Variants in GPHN observed in about 807,000 individuals in gnomAD.
The protein encoded by GPHN is gephyrin.
Under a neutral mutation model 95.5 loss-of-function variants are expected in GPHN, and 17 were observed. The observed-to-expected ratio is 0.18, with a 90% CI of 0.12 to 0.27. The LOEUF is 0.27. Ranked by LOEUF, GPHN falls within the 10% of genes least tolerant of loss-of-function variation. GPHN has a pLI of 1.00. For synonymous variants in GPHN, 320 were observed against 322.5 expected (o/e 0.99, Z 0.08); for missense variants, 660 against 978.1 (o/e 0.67, Z 4.34).
At chr14:67,709,852 T>C in the GPHN span, among the ~76,000 whole-genome samples, 8 of 152,122 alleles carry the variant, frequency 5.3e-5, no homozygotes, top group Non-Finnish European at 1.2e-4. Context: ...AGGAAATATC[T>C]TGGGCCCCCA....
At chr14:66,573,199 C>T (rs1004986945) in intron 1 of GPHN, among the ~76,000 whole-genome samples, 1 of 152,168 alleles carries the variant, frequency 6.6e-6, no homozygotes, top group South Asian at 2.1e-4. Flanking sequence ...CTGTGTATAT[C>T]TGTGAGGTCC....
chr14:67,381,778 TCACA>T, the GPHN span: 4 of 923,698 alleles, frequency 4.3e-6, no homozygotes, highest in African/African-American at 1.7e-5. Context: ...TTTTTTTTAA[TCACA>T]TTTCATAACA....
chr14:67,563,905 T>G, the GPHN span, among the ~76,000 whole-genome samples: 19 of 2,760 alleles, frequency 6.9e-3, no homozygotes, highest in East Asian at 0.036. Flanking sequence ...GGCTAACTGT[T>G]TTTTTTTTTT....
chr14:66,934,316 A>G (rs1167821751), intron 8 of GPHN, among the ~76,000 whole-genome samples: 1 of 152,186 alleles, frequency 6.6e-6, no homozygotes, highest in Non-Finnish European at 1.5e-5. Flanking sequence ...AAAATTAATC[A>G]GCTTGCTATT....
chr14:66,964,190 T>C (rs759602590), intron 8 of GPHN, among the ~76,000 whole-genome samples: 5 of 152,100 alleles, frequency 3.3e-5, no homozygotes, highest in Non-Finnish European at 7.4e-5. Context: ...TAATGATAAT[T>C]ACATTAGTCT....
chr14:67,189,014 C>G, the GPHN span, among the ~76,000 whole-genome samples: 3 of 152,000 alleles, frequency 2.0e-5, no homozygotes, highest in Non-Finnish European at 2.9e-5. Flanking sequence ...TAAGCAGTTT[C>G]CCTCTAAAAA....
Position 66,567,096 on chromosome 14 carries a change from A to G in GPHN, c.64+58505A>G, listed in dbSNP as rs185437339. The stretch of plus-strand genomic sequence containing the variant: ...ATCTTGCAGCAGAATTCTGTCATTT[A>G]ACATATTTTTGGGGCATGGATGGCA... On this transcript the variant is annotated intron_variant, in intron 1 of 22. Coordinates refer to ENST00000478722, the MANE Select transcript of GPHN (RefSeq NM_020806.5). 1.8e-4 allele frequency among the ~76,000 whole-genome samples: 27 copies of G among 152,298 alleles called. No individual in the cohort carries two copies. In the East Asian group the frequency reaches 2.9e-3, roughly 16 times the overall value.
chr14:67,407,007 T>C, the GPHN span, among the ~76,000 whole-genome samples: 2 of 152,088 alleles, frequency 1.3e-5, no homozygotes, highest in African/African-American at 2.4e-5. Flanking sequence ...TGGATCCCTT[T>C]TGGAGAGAAG....
At chr14:67,174,258 G>A (rs1232230987) in intron 21 of GPHN, among the ~76,000 whole-genome samples, 3 of 131,292 alleles carry the variant, frequency 2.3e-5, no homozygotes, top group African/African-American at 9.0e-5. Flanking sequence ...AGGCCCCAGT[G>A]TGTGATGTTC....
chr14:66,799,836 T>C (rs1306626854), intron 3 of GPHN, among the ~76,000 whole-genome samples: 1 of 151,990 alleles, frequency 6.6e-6, no homozygotes, highest in Non-Finnish European at 1.5e-5. Flanking sequence ...GTAAGGATTT[T>C]CTCCTGCCAT....
intron 1 of GPHN, among the ~76,000 whole-genome samples, chr14:66,531,611 G>A (rs1318381218): frequency 6.6e-6 from 1 of 152,106 alleles, no homozygotes; most frequent in Non-Finnish European, 1.5e-5. Flanking sequence ...ATCTAATTTT[G>A]TTATTTTATT....
intron 2 of GPHN, among the ~76,000 whole-genome samples, chr14:66,724,880 G>A (rs149968971): frequency 5.6e-4 from 85 of 152,196 alleles, no homozygotes; most frequent in African/African-American, 1.9e-3. Flanking sequence ...AGAAAAAGCT[G>A]GGCCCAGAAC....
chr14:66,597,273 G>A (rs2062023202), intron 1 of GPHN, among the ~76,000 whole-genome samples: 1 of 152,142 alleles, frequency 6.6e-6, no homozygotes, highest in South Asian at 2.1e-4. Context: ...CTACTCACAT[G>A]CTCAAAATTA....
At chr14:66,637,507 T>G (rs1341132835) in intron 1 of GPHN, among the ~76,000 whole-genome samples, 1 of 152,174 alleles carries the variant, frequency 6.6e-6, no homozygotes, top group Non-Finnish European at 1.5e-5. Context: ...CTTTACCTGC[T>G]TTATTAAGTC....
the GPHN span, chr14:67,619,829 G>C: frequency 1.7e-6 from 1 of 572,830 alleles, no homozygotes; most frequent in Non-Finnish European, 3.0e-6. Context: ...CTGGTTGGAG[G>C]CGCGGGCGGC....
the GPHN span, among the ~76,000 whole-genome samples, chr14:67,514,820 G>GC: frequency 2.0e-5 from 3 of 151,696 alleles, no homozygotes; most frequent in Admixed American, 6.6e-5. Flanking sequence ...TCCCCAACAC[G>GC]CCCCCCTGTG....
intron 1 of GPHN, among the ~76,000 whole-genome samples, chr14:66,581,744 T>A (rs1336222191): frequency 6.6e-6 from 1 of 151,890 alleles, no homozygotes. Context: ...CAGGAGTAGC[T>A]ATACTTATAT....
chr14:66,894,962 G>A (rs970895364), intron 5 of GPHN, among the ~76,000 whole-genome samples: 1 of 152,156 alleles, frequency 6.6e-6, no homozygotes. Context: ...ATTCCTCAAG[G>A]ATCTAGAACT....
chr14:67,374,255 C>T, the GPHN span, among the ~76,000 whole-genome samples: 1 of 152,240 alleles, frequency 6.6e-6, no homozygotes, highest in Admixed American at 6.5e-5. Context: ...TGCAAATATT[C>T]CAAAATCTGA....
Sources: allele counts gnomAD v4.1 joint callset (sites outside exome capture counted in the v4.1 genomes callset), GRCh38; gene constraint gnomAD v4.1.1; transcripts MANE v1.5; gene names NCBI Gene and HGNC (gene_info 2026-07-23, HGNC 2026-07-21).